Variants in LSAMP observed in about 807,000 individuals in gnomAD.
The protein encoded by LSAMP is limbic system-associated membrane protein.
In LSAMP, 7 loss-of-function variants were observed where a neutral mutation model predicts 38.6. That is an observed-to-expected ratio of 0.18 (90% confidence interval 0.10 to 0.34). The LOEUF (loss-of-function observed/expected upper bound fraction) is 0.34, where lower values mean the gene tolerates loss of function less well. Ranked by LOEUF, LSAMP falls within the 10% of genes least tolerant of loss-of-function variation. The pLI is 1.00. For synonymous variants in LSAMP, 154 were observed against 166.8 expected (o/e 0.92, Z 0.59); for missense variants, 313 against 420.0 (o/e 0.75, Z 2.23).
intron 1 of LSAMP, among the ~76,000 whole-genome samples, chr3:116,227,492 C>CA (rs2046354965): frequency 6.6e-6 from 1 of 152,208 alleles, no homozygotes; most frequent in Non-Finnish European, 1.5e-5. Flanking sequence ...TTTGTTAAAT[C>CA]AATGAGTATA....
At chr3:116,072,186 AG>A (rs1241981126) in intron 2 of LSAMP, among the ~76,000 whole-genome samples, 1 of 152,008 alleles carries the variant, frequency 6.6e-6, no homozygotes, top group Non-Finnish European at 1.5e-5. Context: ...CGTGTTAGCC[AG>A]GATGGTCTCG....
At chr3:116,226,355 A>G (rs545488118) in intron 1 of LSAMP, among the ~76,000 whole-genome samples, 2 of 152,332 alleles carry the variant, frequency 1.3e-5, no homozygotes, top group East Asian at 1.9e-4. Context: ...TTTCACTTCT[A>G]CTAGAAAGTG....
At chr3:116,354,462 G>T (rs1486272727) in intron 1 of LSAMP, among the ~76,000 whole-genome samples, 1 of 152,162 alleles carries the variant, frequency 6.6e-6, no homozygotes, top group Non-Finnish European at 1.5e-5. Context: ...ATTGTTGTGA[G>T]TTAGTCTTTG....
At position 116,444,981 on chromosome 3, in the gene LSAMP, C is replaced by A. The variant is rs1235365659; in HGVS notation, c.51G>T (p.Leu17=). Residue 17 remains leucine, a synonymous_variant, in exon 1 of 7, where the codon CTG becomes CTT. Transcript: ENST00000490035. ...CTGTGGGAAGAAGGCAGAGCAATCTCAGTAGGACCAGTGGCAACTGTTTCC... is the reference window on the plus strand; with the variant it reads ...CTGTGGGAAGAAGGCAGAGCAATCTAAGTAGGACCAGTGGCAACTGTTTCC... ...PDRKQLPLVL[L]RLLCLLPTGL... is the part of the protein sequence containing the mutation. 1 of 1,614,006 alleles carries A rather than the reference C, an allele frequency of 6.2e-7. No individual in the cohort carries two copies. The highest frequency in any genetic ancestry group is 1.3e-5 in the African/African-American group (1 of 74,924).
At chr3:115,958,832 C>G (rs1938536309) in intron 3 of LSAMP, among the ~76,000 whole-genome samples, 1 of 152,170 alleles carries the variant, frequency 6.6e-6, no homozygotes, top group Non-Finnish European at 1.5e-5. Flanking sequence ...AAAATTGTCT[C>G]CAAATGATAC....
intron 1 of LSAMP, among the ~76,000 whole-genome samples, chr3:116,231,100 G>A (rs770742732): frequency 6.6e-6 from 1 of 152,142 alleles, no homozygotes; most frequent in African/African-American, 2.4e-5. Context: ...CCACAAACAT[G>A]AACGCCCATG....
At chr3:115,923,823 C>A (rs575370286) in intron 3 of LSAMP, among the ~76,000 whole-genome samples, 1 of 152,222 alleles carries the variant, frequency 6.6e-6, no homozygotes, top group South Asian at 2.1e-4. Flanking sequence ...GAGAATTACT[C>A]CCCCTTCTAA....
Position 116,232,699 on chromosome 3 carries a change from C to CTTTCTTTTTTTT in LSAMP, c.156-146144_156-146143insAAAAAAAAGAAA, listed in dbSNP as rs1310867132. On this transcript the variant is annotated intron_variant, in intron 1 of 6. Transcript: ENST00000490035. The stretch of plus-strand genomic sequence containing the variant: ...TTAATTTTCTTTTCTTTCTTTCTTT[C>CTTTCTTTTTTTT]TTTTTTTTTTTTTTTTTCCAGCAGG... Among the ~76,000 whole-genome samples, 122 of 99,452 alleles carry CTTTCTTTTTTTT rather than the reference C, an allele frequency of 1.2e-3. No individual in the cohort carries two copies. The South Asian group carries it at 0.016, about 13-fold the overall frequency. 65.2% of individuals were successfully genotyped at this position (99,452 alleles called of 152,430 possible).
chr3:115,919,050 G>A (rs1211691645), intron 3 of LSAMP, among the ~76,000 whole-genome samples: 1 of 152,080 alleles, frequency 6.6e-6, no homozygotes, highest in Non-Finnish European at 1.5e-5. Context: ...TGAAATTTCT[G>A]CTCTAGAAGA....
chr3:116,362,940 A>T (rs2048308429), intron 1 of LSAMP, among the ~76,000 whole-genome samples: 1 of 10,084 alleles, frequency 9.9e-5, no homozygotes, highest in East Asian at 3.0e-3. Flanking sequence ...CTAACATCAC[A>T]ATTAAAAGAA....
chr3:116,163,974 G>C (rs1040686689), intron 1 of LSAMP, among the ~76,000 whole-genome samples: 2 of 152,162 alleles, frequency 1.3e-5, no homozygotes, highest in African/African-American at 4.8e-5. Flanking sequence ...AGGAGTCTCT[G>C]AGTTATCCAG....
At chr3:116,192,844 A>G (rs1017889429) in intron 1 of LSAMP, among the ~76,000 whole-genome samples, 2 of 152,174 alleles carry the variant, frequency 1.3e-5, no homozygotes, top group Non-Finnish European at 2.9e-5. Flanking sequence ...AGCCTGGCTA[A>G]TGATCAGGGA....
chr3:116,383,250 T>C (rs1482968282), intron 1 of LSAMP, among the ~76,000 whole-genome samples: 1 of 152,298 alleles, frequency 6.6e-6, no homozygotes, highest in East Asian at 1.9e-4. Context: ...CTCTATTTTC[T>C]ACTCCCTCTT....
chr3:115,929,009 G>T (rs1559884846), intron 3 of LSAMP, among the ~76,000 whole-genome samples: 3 of 127,098 alleles, frequency 2.4e-5, no homozygotes, highest in Admixed American at 9.4e-5. Context: ...TATGGGGCTA[G>T]TTAGGTAGCG....
At chr3:115,829,177 CAG>C (rs560229690) in intron 6 of LSAMP, among the ~76,000 whole-genome samples, 12 of 152,020 alleles carry the variant, frequency 7.9e-5, no homozygotes, top group Non-Finnish European at 1.6e-4. Flanking sequence ...GTTTAGGAAA[CAG>C]AGTAGAAGGA....
chr3:115,896,772 G>A (rs1490918958), intron 3 of LSAMP, among the ~76,000 whole-genome samples: 1 of 152,032 alleles, frequency 6.6e-6, no homozygotes, highest in Non-Finnish European at 1.5e-5. Context: ...ATTTTTACAT[G>A]TGGTCCGCAC....
chr3:115,870,053 C>T (rs1034997782), intron 3 of LSAMP, among the ~76,000 whole-genome samples: 4 of 151,912 alleles, frequency 2.6e-5, no homozygotes, highest in African/African-American at 9.7e-5. Context: ...TATTTTTTGA[C>T]ACATAAAAAT....
chr3:116,112,317 TA>T (rs1372277247), intron 1 of LSAMP, among the ~76,000 whole-genome samples: 1 of 152,122 alleles, frequency 6.6e-6, no homozygotes, highest in Non-Finnish European at 1.5e-5. Flanking sequence ...AAAGGACGCA[TA>T]AGTATGATAC....
chr3:116,251,089 G>C (rs570119336), intron 1 of LSAMP, among the ~76,000 whole-genome samples: 2 of 152,266 alleles, frequency 1.3e-5, no homozygotes, highest in South Asian at 4.1e-4. Context: ...GCTAAGATAT[G>C]CTGCCTCCTT....
Sources: allele counts gnomAD v4.1 joint callset (sites outside exome capture counted in the v4.1 genomes callset), GRCh38; gene constraint gnomAD v4.1.1; transcripts MANE v1.5; gene names NCBI Gene and HGNC (gene_info 2026-07-23, HGNC 2026-07-21).